VRK2: variants seen among roughly 807,000 people sequenced by gnomAD.
VRK2 encodes the protein serine/threonine-protein kinase VRK2.
A neutral mutation model predicts 57.6 loss-of-function variants in VRK2; 60 were observed. The observed-to-expected ratio is 1.04, with a 90% CI of 0.85 to 1.29. The LOEUF is 1.29. Among genes scored for constraint, VRK2 ranks in the 50% most tolerant of loss-of-function variants. The pLI, the probability that VRK2 is intolerant of heterozygous loss-of-function variation, is 0.00. For missense variants in VRK2, 705 were observed against 588.1 expected (o/e 1.20, Z -2.06); for synonymous variants, 231 against 199.2 (o/e 1.16, Z -1.35).
intron 1 of VRK2, among the ~76,000 whole-genome samples, chr2:57,948,977 TAG>T (rs1671343006): frequency 6.7e-6 from 1 of 149,262 alleles, no homozygotes; most frequent in African/African-American, 2.5e-5. Context: ...TGAATTTATA[TAG>T]AAGGAATTCA....
intron 2 of VRK2, among the ~76,000 whole-genome samples, chr2:58,060,735 G>A (rs1237500593): frequency 2.0e-5 from 3 of 151,822 alleles, no homozygotes; most frequent in Non-Finnish European, 4.4e-5. Context: ...CAAAAGAGCA[G>A]GGCTAAAGAT....
intron 1 of VRK2, among the ~76,000 whole-genome samples, chr2:57,982,212 T>C (rs1672442558): frequency 6.6e-6 from 1 of 152,210 alleles, no homozygotes. Flanking sequence ...GAACCAGGCC[T>C]GCAGCTTTGC....
At chr2:58,079,000 T>C (rs1047581943) in intron 2 of VRK2, among the ~76,000 whole-genome samples, 6 of 152,124 alleles carry the variant, frequency 3.9e-5, no homozygotes, top group Non-Finnish European at 8.8e-5. Context: ...AACTGGACTT[T>C]TGTTGATGTT....
rs1399930695 is a variant in VRK2, at chr2:58,131,660, C to T, written c.677-148C>T. ...TGTGGACTGGGGCCAAATGCTTGGGCGTTTAAGTTTTATTCCAGCTGAACA... is the reference window on the plus strand; with the variant it reads ...TGTGGACTGGGGCCAAATGCTTGGGTGTTTAAGTTTTATTCCAGCTGAACA... On this transcript the variant is annotated intron_variant, in intron 8 of 12. Coordinates refer to ENST00000340157, the MANE Select transcript of VRK2 (RefSeq NM_006296.7). The T allele has an allele frequency of 7.1e-6, 7 of 980,828 alleles. No individual in the cohort carries two copies. In the East Asian group the frequency reaches 8.4e-5, roughly 12 times the overall value. The allele number at this position is 980,828 out of a possible 1,614,324, so 60.8% of individuals were successfully genotyped here.
intron 7 of VRK2, among the ~76,000 whole-genome samples, chr2:58,109,199 C>T (rs1343885941): frequency 6.6e-6 from 1 of 152,078 alleles, no homozygotes; most frequent in African/African-American, 2.4e-5. Context: ...ACCAACTGTG[C>T]AGAAGGCCTT....
At chr2:58,041,088 T>C (rs1253557016) in intron 3 of VRK2, 8 of 984,540 alleles carry the variant, frequency 8.1e-6, no homozygotes, top group Non-Finnish European at 9.6e-6. Context: ...AAAAAGGATG[T>C]AGAGTGTAAA....
Position 58,088,420 on chromosome 2 carries a change from A to G in VRK2, c.424A>G (p.Thr142Ala), listed in dbSNP as rs141045353. ...SGQNGTFKKS[T>A]VLQLGIRMLD... ...CCAGAATGGTACCTTTAAAAAGTCA[A>G]CTGTCCTGCAATTAGGTATCCGAAT... Residue 142 changes from threonine (T) to alanine (A), a missense_variant, in exon 6 of 13, where the codon ACT becomes GCT. Coordinates refer to ENST00000340157, the MANE Select transcript of VRK2 (RefSeq NM_006296.7). The G allele has an allele frequency of 4.3e-5, 70 of 1,612,866 alleles. No individual in the cohort carries two copies. In the African/African-American group the frequency reaches 6.9e-4, roughly 16 times the overall value.
At chr2:58,075,901 C>G (rs540690376) in intron 2 of VRK2, among the ~76,000 whole-genome samples, 19 of 132,508 alleles carry the variant, frequency 1.4e-4, no homozygotes, top group African/African-American at 4.8e-4. Context: ...TCTGTATTCA[C>G]TTGTCTTTCC....
intron 1 of VRK2, among the ~76,000 whole-genome samples, chr2:57,944,690 C>A (rs1671204474): frequency 6.6e-6 from 1 of 151,352 alleles, no homozygotes; most frequent in Admixed American, 6.6e-5. Flanking sequence ...GAGCCGAGAT[C>A]GTGCCACTGC....
intron 1 of VRK2, among the ~76,000 whole-genome samples, chr2:57,973,892 G>C (rs1672169672): frequency 6.6e-6 from 1 of 151,790 alleles, no homozygotes. Flanking sequence ...CTTTAAGAAA[G>C]AGCCCATTTT....
At chr2:57,964,191 T>C (rs779364865) in intron 1 of VRK2, among the ~76,000 whole-genome samples, 3 of 152,164 alleles carry the variant, frequency 2.0e-5, no homozygotes, top group Non-Finnish European at 2.9e-5. Context: ...GAAGCGTAAC[T>C]GATAACATAA....
chr2:58,056,660 A>T (rs1018491850), intron 2 of VRK2, among the ~76,000 whole-genome samples: 4 of 152,252 alleles, frequency 2.6e-5, no homozygotes, highest in African/African-American at 7.2e-5. Context: ...GTGTTTGAGG[A>T]ACTAACATTT....
chr2:58,133,229 T>C (rs1347928240), intron 9 of VRK2, among the ~76,000 whole-genome samples: 1 of 146,028 alleles, frequency 6.8e-6, no homozygotes, highest in Non-Finnish European at 1.5e-5. Flanking sequence ...CTTATGCATA[T>C]TTATAATAGG....
At position 57,952,089 on chromosome 2, in the gene VRK2, T is replaced by C. The variant is rs950696946; in HGVS notation, c.-439+44250T>C. On this transcript the variant is annotated intron_variant, in intron 1 of 15. Transcript: ENST00000417641. Reference sequence around the variant, plus strand: ...TTTAAAATTAAGACATATATATCTATATATTTATACCTTAATTTATATTTA... The same window carrying C: ...TTTAAAATTAAGACATATATATCTACATATTTATACCTTAATTTATATTTA... Among the ~76,000 whole-genome samples the C allele has an allele frequency of 7.9e-5, 12 of 151,914 alleles. No homozygotes were observed. The East Asian group carries it at 2.1e-3, about 27-fold the overall frequency.
At chr2:58,011,749 T>C (rs1673424729) in intron 1 of VRK2, among the ~76,000 whole-genome samples, 1 of 152,196 alleles carries the variant, frequency 6.6e-6, no homozygotes. Context: ...TTCCATAAAA[T>C]GAAATTATAA....
At chr2:57,930,839 C>T (rs934764853) in intron 1 of VRK2, among the ~76,000 whole-genome samples, 6 of 152,058 alleles carry the variant, frequency 3.9e-5, no homozygotes, top group African/African-American at 1.4e-4. Flanking sequence ...AGATATCATG[C>T]AGTATTTGTC....
intron 8 of VRK2, among the ~76,000 whole-genome samples, chr2:58,123,574 C>T (rs1677855249): frequency 6.6e-6 from 1 of 152,010 alleles, no homozygotes. Context: ...GGTAAAGTTG[C>T]ATGTGGGCCA....
chr2:57,996,386 G>A (rs17049286), intron 1 of VRK2, among the ~76,000 whole-genome samples: 6,785 of 152,290 alleles, frequency 0.045, 201 homozygotes, highest in East Asian at 0.1. Context: ...CAAGGAATAA[G>A]CAAGAACTGT....
upstream of VRK2, chr2:58,046,379 C>G (rs1395693007): frequency 1.7e-6 from 1 of 601,466 alleles, no homozygotes; most frequent in Non-Finnish European, 2.1e-6. Flanking sequence ...ACAGGCCCTC[C>G]TAACTGGAGT....
Sources: gnomAD v4.1 joint callset for allele counts (sites outside exome capture counted in the v4.1 genomes callset) on GRCh38, gnomAD v4.1.1 for gene constraint, MANE v1.5 for transcripts, NCBI Gene and HGNC (gene_info 2026-07-23, HGNC 2026-07-21) for gene names.